Variants in RICTOR observed in about 807,000 individuals in gnomAD.
The protein encoded by RICTOR is RPTOR independent companion of MTOR complex 2.
RICTOR carries 49 observed loss-of-function variants against 214.9 expected under a neutral mutation model. The observed-to-expected ratio is 0.23, with a 90% CI of 0.18 to 0.29. RICTOR has a LOEUF of 0.29. Among genes scored for constraint, RICTOR ranks in the 10% least tolerant of loss-of-function variants. The pLI is 1.00. For synonymous variants in RICTOR, 717 were observed against 711.3 expected, an observed-to-expected ratio of 1.01 and a Z score of -0.13; for missense variants, 1,625 against 2,047.0, an observed-to-expected ratio of 0.79 and a Z score of 3.98.
chr5:39,044,308 G>T (rs1210839925), intron 2 of RICTOR, among the ~76,000 whole-genome samples: 2 of 151,970 alleles, frequency 1.3e-5, no homozygotes, highest in Non-Finnish European at 2.9e-5. Context: ...TTGTTATTTT[G>T]CCAGATATTA....
intron 3 of RICTOR, among the ~76,000 whole-genome samples, chr5:39,007,021 CAT>C (rs1318946504): frequency 6.6e-6 from 1 of 152,000 alleles, no homozygotes; most frequent in Non-Finnish European, 1.5e-5. Context: ...TTTAAAATAA[CAT>C]AAAATTTTCT....
chr5:38,984,947 G>A (rs533182014), intron 7 of RICTOR, among the ~76,000 whole-genome samples: 7 of 152,208 alleles, frequency 4.6e-5, no homozygotes, highest in East Asian at 1.9e-4. Context: ...AGCCTCCCAA[G>A]TAGCTGGGAC....
chr5:39,035,594 T>TAA (rs948667547), intron 2 of RICTOR, among the ~76,000 whole-genome samples: 28 of 152,000 alleles, frequency 1.8e-4, no homozygotes, highest in African/African-American at 6.8e-4. Flanking sequence ...GACGAATGGC[T>TAA]AACTAGAATA....
chr5:39,002,404 A>G (rs78644625), intron 5 of RICTOR, 131 bp downstream of exon 5: 50 of 511,082 alleles, frequency 9.8e-5, no homozygotes, highest in Middle Eastern at 5.5e-4. Context: ...GTGTGTGTAT[A>G]TATATATATA....
chr5:39,013,349 T>C (rs1415128291), intron 3 of RICTOR, among the ~76,000 whole-genome samples: 2 of 152,132 alleles, frequency 1.3e-5, no homozygotes, highest in Non-Finnish European at 2.9e-5. Flanking sequence ...TTAAAATCCA[T>C]GTCCATCATC....
rs114580014 is a variant in RICTOR at position 39,020,897 on chromosome 5, A to G, written c.195+142T>C. On this transcript the variant is annotated intron_variant, in intron 3 of 37. Coordinates refer to ENST00000357387, the MANE Select transcript of RICTOR (RefSeq NM_152756.5). ...ATACATTTTTAAGATACACTGGACA[A>G]AATCCATGAGAAGCAGGAAAGAAAA... 8.9e-4 allele frequency: 539 copies of G among 607,260 alleles called. 1 individual carries two copies. The highest frequency in any genetic ancestry group is 6.5e-3 in the African/African-American group (350 of 54,186). 37.6% of individuals were successfully genotyped at this position (607,260 alleles called of 1,614,324 possible). A position where few individuals can be genotyped will look rare whatever the true frequency, so the allele number is the denominator to read the frequency against.
At chr5:38,968,073 A>C in intron 11 of RICTOR, 43 bp from the exon 12 acceptor site, 1 of 1,125,392 alleles carries the variant, frequency 8.9e-7, no homozygotes, top group Non-Finnish European at 1.4e-6. Context: ...TTTATGAAAC[A>C]CTTTTAAGAT....
At chr5:38,990,794 T>TTATGAG (rs1752688683) in intron 7 of RICTOR, among the ~76,000 whole-genome samples, 155 bp downstream of exon 7, 1 of 95,490 alleles carries the variant, frequency 1.0e-5, no homozygotes, top group Non-Finnish European at 2.1e-5. Flanking sequence ...ATATATGAGA[T>TTATGAG]ATATGATATA....
At chr5:39,019,655 C>A (rs1755244950) in intron 3 of RICTOR, among the ~76,000 whole-genome samples, 2 of 152,092 alleles carry the variant, frequency 1.3e-5, no homozygotes, top group Admixed American at 6.6e-5. Flanking sequence ...TGACAATGCA[C>A]CTAGTCACCC....
intron 18 of RICTOR, 46 bp from the exon 19 acceptor site, chr5:38,962,407 T>C: frequency 8.5e-7 from 1 of 1,172,340 alleles, no homozygotes; most frequent in Non-Finnish European, 1.2e-6. Context: ...TTATCAATTC[T>C]CACACATATA....
chr5:38,966,401 T>C (rs1232598903), intron 15 of RICTOR, among the ~76,000 whole-genome samples: 2 of 152,264 alleles, frequency 1.3e-5, no homozygotes, highest in African/African-American at 4.8e-5. Context: ...GTACTTTGCA[T>C]GTTGTATATT....
intron 2 of RICTOR, among the ~76,000 whole-genome samples, chr5:39,028,723 G>A (rs115801160): frequency 0.011 from 1,740 of 152,128 alleles, 34 homozygotes; most frequent in African/African-American, 0.039. Flanking sequence ...CTACATATTG[G>A]AATATTAATC....
intron 2 of RICTOR, among the ~76,000 whole-genome samples, chr5:39,043,779 T>C (rs1757318606): frequency 6.6e-6 from 1 of 152,096 alleles, no homozygotes; most frequent in Admixed American, 6.6e-5. Flanking sequence ...GAATGAGTTA[T>C]CACAGGAGAG....
intron 2 of RICTOR, among the ~76,000 whole-genome samples, chr5:39,049,824 T>G (rs1365101188): frequency 6.6e-6 from 1 of 152,008 alleles, no homozygotes; most frequent in Non-Finnish European, 1.5e-5. Flanking sequence ...TAGCTGAAGA[T>G]ACTATACAGA....
chr5:38,987,805 C>T (rs532119150), intron 7 of RICTOR, among the ~76,000 whole-genome samples: 6 of 152,030 alleles, frequency 3.9e-5, no homozygotes, highest in African/African-American at 1.2e-4. Context: ...GTTAGGGTGT[C>T]GACTTTAGAT....
chr5:39,053,041 T>C (rs1271059622), intron 2 of RICTOR, among the ~76,000 whole-genome samples: 2 of 152,340 alleles, frequency 1.3e-5, no homozygotes, highest in Admixed American at 6.5e-5. Flanking sequence ...GAGTATCCAA[T>C]TGATTAGATT....
At chr5:39,040,151 G>C (rs1477083847) in intron 2 of RICTOR, among the ~76,000 whole-genome samples, 1 of 152,012 alleles carries the variant, frequency 6.6e-6, no homozygotes, top group Non-Finnish European at 1.5e-5. Context: ...AAAATGATGA[G>C]TTCATGTCCT....
chr5:38,958,694 A>G lies in RICTOR; in HGVS notation c.2316T>C (p.Asp772=), dbSNP rs758079138. The change falls in exon 23 of 38, where the codon GAT becomes GAC. Residue 772 remains aspartate, a synonymous_variant. Coordinates refer to ENST00000357387, the MANE Select transcript of RICTOR (RefSeq NM_152756.5). The part of the protein sequence containing the change: ...KNKTISSEAL[D]ILDEACEDKA... ...TGTCTTCACATGCTTCATCGAGGATATCAAGAGCTTCAGAGGAAATCGTTT... is the reference window on the plus strand; with the variant it reads ...TGTCTTCACATGCTTCATCGAGGATGTCAAGAGCTTCAGAGGAAATCGTTT... 3 of 1,609,334 alleles carry G rather than the reference A, an allele frequency of 1.9e-6. No homozygotes were observed. In the Admixed American group the frequency reaches 5.1e-5, roughly 27 times the overall value.
chr5:38,989,985 G>A (rs142781470), intron 7 of RICTOR, among the ~76,000 whole-genome samples: 1 of 152,106 alleles, frequency 6.6e-6, no homozygotes, highest in Non-Finnish European at 1.5e-5. Context: ...ATTTGACCCA[G>A]CAATCTCATT....
Sources: gnomAD v4.1 joint callset for allele counts (sites outside exome capture counted in the v4.1 genomes callset) on GRCh38, gnomAD v4.1.1 for gene constraint, MANE v1.5 for transcripts, NCBI Gene and HGNC (gene_info 2026-07-23, HGNC 2026-07-21) for gene names.